The following TAF4B variants were observed in gnomAD, a reference collection of about 807,000 sequenced individuals.
TAF4B encodes TATA-box binding protein associated factor 4b.
Under a neutral mutation model 86.4 loss-of-function variants are expected in TAF4B, and 38 were observed. The observed-to-expected ratio is 0.44, with a 90% CI of 0.34 to 0.58. The LOEUF (loss-of-function observed/expected upper bound fraction) is 0.58. Ranked by LOEUF, TAF4B falls within the 20% of genes least tolerant of loss-of-function variation. The pLI, the probability that TAF4B is intolerant of heterozygous loss-of-function variation, is 0.02. For synonymous variants in TAF4B, 388 were observed against 391.2 expected (o/e 0.99, Z 0.10); for missense variants, 988 against 1,027.6 (o/e 0.96, Z 0.53).
intron 1 of TAF4B, among the ~76,000 whole-genome samples, chr18:26,236,953 C>A (rs1197128716): frequency 6.6e-6 from 1 of 152,116 alleles, no homozygotes; most frequent in African/African-American, 2.4e-5. Context: ...TTTCTTAAGG[C>A]CTCCCGTAGC....
At chr18:26,345,445 C>G (rs1015072840) in intron 13 of TAF4B, among the ~76,000 whole-genome samples, 1 of 152,216 alleles carries the variant, frequency 6.6e-6, no homozygotes. Flanking sequence ...TAGCCCAAAT[C>G]CATGCACCAA....
intron 1 of TAF4B, among the ~76,000 whole-genome samples, chr18:26,243,773 G>T (rs1185861361): frequency 6.6e-6 from 1 of 152,036 alleles, no homozygotes; most frequent in Non-Finnish European, 1.5e-5. Flanking sequence ...TTTGGTGTGG[G>T]TGTCCTTTCT....
intron 9 of TAF4B, among the ~76,000 whole-genome samples, chr18:26,310,227 C>A (rs1242404433): frequency 6.6e-6 from 1 of 152,112 alleles, no homozygotes; most frequent in African/African-American, 2.4e-5. Flanking sequence ...GTCCTTAGAC[C>A]ATTTGTATCA....
intron 7 of TAF4B, among the ~76,000 whole-genome samples, chr18:26,287,099 C>T (rs1227203629): frequency 6.6e-6 from 1 of 152,186 alleles, no homozygotes; most frequent in East Asian, 1.9e-4. Context: ...ATAACCACAA[C>T]ATACCTGTTG....
intron 6 of TAF4B, among the ~76,000 whole-genome samples, chr18:26,285,346 CCTGA>C (rs2144593898): frequency 6.6e-6 from 1 of 150,708 alleles, no homozygotes; most frequent in Non-Finnish European, 1.5e-5. Flanking sequence ...TGCCACCACG[CCTGA>C]CTAATTTTTG....
chr18:26,321,279 C>A, intron 11 of TAF4B, 79 bp downstream of exon 11: 5 of 1,474,162 alleles, frequency 3.4e-6, no homozygotes, highest in Non-Finnish European at 3.7e-6. Flanking sequence ...ATTCTAAACA[C>A]GTTTTTAAAG....
intron 1 of TAF4B, among the ~76,000 whole-genome samples, chr18:26,242,250 T>G (rs1391709869): frequency 6.6e-6 from 1 of 152,206 alleles, no homozygotes; most frequent in Non-Finnish European, 1.5e-5. Flanking sequence ...AAGGACTTGC[T>G]TTATGAATCT....
intron 1 of TAF4B, among the ~76,000 whole-genome samples, chr18:26,236,455 C>T (rs1008100310): frequency 1.3e-5 from 2 of 152,118 alleles, no homozygotes; most frequent in African/African-American, 4.8e-5. Context: ...TGGTGCTTGC[C>T]CTGAGCACCC....
intron 14 of TAF4B, among the ~76,000 whole-genome samples, chr18:26,371,702 C>T (rs2057407138): frequency 6.6e-6 from 1 of 152,098 alleles, no homozygotes; most frequent in Non-Finnish European, 1.5e-5. Context: ...AACATATAAG[C>T]TCTAGGTCTG....
At chr18:26,368,711 AT>A (rs920939909) in intron 14 of TAF4B, among the ~76,000 whole-genome samples, 238 of 146,238 alleles carry the variant, frequency 1.6e-3, no homozygotes, top group South Asian at 1.3e-3. Flanking sequence ...ATATTTTAAG[AT>A]TTTTTTTTTT....
At chr18:26,372,634 A>G (rs950310165) in intron 14 of TAF4B, among the ~76,000 whole-genome samples, 1 of 152,108 alleles carries the variant, frequency 6.6e-6, no homozygotes, top group East Asian at 1.9e-4. Context: ...TATTTTGCCT[A>G]TCCGTTATGT....
chr18:26,252,078 G>A (rs1338859337), intron 1 of TAF4B, among the ~76,000 whole-genome samples: 1 of 152,092 alleles, frequency 6.6e-6, no homozygotes, highest in African/African-American at 2.4e-5. Context: ...GTGGGTCTGA[G>A]GTTTACCCAT....
intron 14 of TAF4B, among the ~76,000 whole-genome samples, chr18:26,372,785 C>A (rs1210094555): frequency 6.6e-6 from 1 of 151,562 alleles, no homozygotes; most frequent in Non-Finnish European, 1.5e-5. Context: ...CCTGGCTAAC[C>A]CAGTGAAACC....
chr18:26,243,699 TTCTTTCCA>T (rs2055878056), intron 1 of TAF4B, among the ~76,000 whole-genome samples: 1 of 152,242 alleles, frequency 6.6e-6, no homozygotes, highest in Non-Finnish European at 1.5e-5. Context: ...CTGCTCTGGT[TTCTTTCCA>T]TCTTTGTGGT....
chr18:26,365,906 C>T (rs2057368423), intron 14 of TAF4B, among the ~76,000 whole-genome samples: 1 of 152,178 alleles, frequency 6.6e-6, no homozygotes, highest in African/African-American at 2.4e-5. Context: ...CCTTCCGCCT[C>T]AGCCTCCTGA....
intron 9 of TAF4B, among the ~76,000 whole-genome samples, chr18:26,298,390 T>C (rs1008016021): frequency 6.6e-6 from 1 of 151,468 alleles, no homozygotes; most frequent in Non-Finnish European, 1.5e-5. Flanking sequence ...AACCACACTC[T>C]GCTAATTTTG....
At chr18:26,237,299 T>G (rs2055763421) in intron 1 of TAF4B, among the ~76,000 whole-genome samples, 1 of 152,186 alleles carries the variant, frequency 6.6e-6, no homozygotes. Context: ...GCAAGACATC[T>G]CTCCAAGTGA....
In TAF4B at chr18:26,227,309, C is replaced by A. The variant is rs371578745; in HGVS notation, c.343+33C>A. 2.8e-5 allele frequency: 45 copies of A among 1,590,332 alleles called. No individual in the cohort carries two copies. In the African/African-American group the frequency reaches 4.9e-4, roughly 17 times the overall value. ...GATAACCCTTTCCAGCCTTGTCTGT[C>A]GGTCCAGCTGGCGGCGACGGGAAAA... On this transcript the variant is annotated intron_variant, in intron 1 of 14. Coordinates refer to ENST00000269142, the MANE Select transcript of TAF4B (RefSeq NM_005640.3).
chr18:26,312,694 AG>A (rs1421359270), intron 9 of TAF4B, among the ~76,000 whole-genome samples: 1 of 152,150 alleles, frequency 6.6e-6, no homozygotes, highest in Non-Finnish European at 1.5e-5. Flanking sequence ...TAGAGAAGCA[AG>A]GTGCAATTTC....
Sources: gnomAD v4.1 joint callset for allele counts (sites outside exome capture counted in the v4.1 genomes callset) on GRCh38, gnomAD v4.1.1 for gene constraint, MANE v1.5 for transcripts, NCBI Gene and HGNC (gene_info 2026-07-23, HGNC 2026-07-21) for gene names.